TGS1: variants seen among roughly 807,000 people sequenced by gnomAD.
TGS1 encodes the protein trimethylguanosine synthase.
Under a neutral mutation model 92.2 loss-of-function variants are expected in TGS1, and 69 were observed. The ratio of observed to expected loss-of-function variants is 0.75; its 90% CI spans 0.62 to 0.91. The LOEUF is 0.91. Among genes scored for constraint, TGS1 ranks in the 40% least tolerant of loss-of-function variants. TGS1 has a pLI of 0.00. For synonymous variants in TGS1, 345 were observed against 338.1 expected, an observed-to-expected ratio of 1.02 and a Z score of -0.22; for missense variants, 1,062 against 1,001.2, an observed-to-expected ratio of 1.06 and a Z score of -0.82.
At position 55,811,011 on chromosome 8, in the gene TGS1, T is replaced by G. The variant is rs1448980773; in HGVS notation, c.2274T>G (p.Asp758Glu). The change falls in exon 11 of 13, where the codon GAT becomes GAG. Residue 758 changes from aspartate (D) to glutamate (E), a missense_variant. By Grantham distance (45) the Asp-to-Glu change is conservative. Transcript: ENST00000260129. ...FLLLASFLKA[D>E]VVFLSPPWGG... ...TGCTGGCTTCTTTTTTAAAGGCTGA[T>G]GTTGTGTTCCTCAGCCCACCTTGGG... The G allele has an allele frequency of 3.1e-6, 5 of 1,614,066 alleles. No individual in the cohort carries two copies. The highest frequency in any genetic ancestry group is 1.3e-5 in the African/African-American group (1 of 74,938).
At chr8:55,805,712 C>A (rs1357105668) in intron 10 of TGS1, among the ~76,000 whole-genome samples, 1 of 151,790 alleles carries the variant, frequency 6.6e-6, no homozygotes, top group Admixed American at 6.6e-5. Context: ...ATGGTGAAAC[C>A]CCGTCTACTA....
intron 4 of TGS1, among the ~76,000 whole-genome samples, chr8:55,788,945 A>G (rs1811798305): frequency 6.6e-6 from 1 of 152,250 alleles, no homozygotes. Flanking sequence ...TTTCTTTGGC[A>G]GACACAGTAA....
chr8:55,811,242 C>T, intron 11 of TGS1, 145 bp downstream of exon 11: 1 of 679,700 alleles, frequency 1.5e-6, no homozygotes, highest in Non-Finnish European at 2.4e-6. Flanking sequence ...GCAGGTGGAT[C>T]ACCTGAGGTC....
In TGS1 at chr8:55,812,979, C is replaced by T. The variant is rs1803377705; in HGVS notation, c.2361-61C>T. On this transcript the variant is annotated intron_variant, in intron 11 of 12. Transcript: ENST00000260129. ...CATTTGAGTTATGATAAGTAAAACA[C>T]ATCTCTTTCTGATTAGAAATTAGCT... 7.4e-6 allele frequency: 9 copies of T among 1,223,922 alleles called. No homozygotes were observed. The East Asian group carries it at 1.9e-4, about 25-fold the overall frequency. The allele number at this position is 1,223,922 out of a possible 1,614,324, so 75.8% of individuals were successfully genotyped here. A position where few individuals can be genotyped will look rare whatever the true frequency, so the allele number is the denominator to read the frequency against.
intron 4 of TGS1, among the ~76,000 whole-genome samples, chr8:55,788,599 G>T (rs1160793149): frequency 6.6e-6 from 1 of 151,896 alleles, no homozygotes; most frequent in African/African-American, 2.4e-5. Context: ...GGGACTACAG[G>T]TGTGTGCCAC....
chr8:55,804,277 CT>C (rs1812300651), intron 9 of TGS1, among the ~76,000 whole-genome samples: 1 of 152,110 alleles, frequency 6.6e-6, no homozygotes. Flanking sequence ...TCTGTCTCTC[CT>C]AAAAATACAA....
At chr8:55,816,542 GTAAGATAAGT>G (rs1455237963) in intron 12 of TGS1, among the ~76,000 whole-genome samples, 5 of 152,144 alleles carry the variant, frequency 3.3e-5, no homozygotes, top group Non-Finnish European at 7.4e-5. Flanking sequence ...TACTTTTCAG[GTAAGATAAGT>G]TAAGTTACTT....
At chr8:55,815,339 C>A (rs1248071346) in intron 12 of TGS1, among the ~76,000 whole-genome samples, 1 of 151,810 alleles carries the variant, frequency 6.6e-6, no homozygotes, top group Non-Finnish European at 1.5e-5. Context: ...TTTTTGCTAT[C>A]AAATTTTGAT....
At chr8:55,794,242 G>A (rs1278771138) in intron 6 of TGS1, among the ~76,000 whole-genome samples, 1 of 152,106 alleles carries the variant, frequency 6.6e-6, no homozygotes, top group Non-Finnish European at 1.5e-5. Flanking sequence ...TTTTCATGGA[G>A]ATGGGGTCTT....
chr8:55,797,339 C>T (rs556952062), intron 7 of TGS1, among the ~76,000 whole-genome samples: 1 of 152,186 alleles, frequency 6.6e-6, no homozygotes, highest in East Asian at 1.9e-4. Flanking sequence ...AGAAACTGCC[C>T]CCATGATTCA....
intron 1 of TGS1, 25 bp from the exon 2 acceptor site, chr8:55,782,723 A>G (rs1811600544): frequency 1.9e-6 from 3 of 1,569,932 alleles, no homozygotes; most frequent in Non-Finnish European, 2.6e-6. Context: ...TCATTTCAAT[A>G]TGAACTGCTT....
intron 9 of TGS1, 51 bp downstream of exon 9, chr8:55,802,657 A>C: frequency 1.3e-6 from 2 of 1,525,086 alleles, no homozygotes; most frequent in Non-Finnish European, 1.8e-6. Context: ...CTTCAAACTT[A>C]AAAAGAAAGT....
chr8:55,792,782 A>G lies in TGS1; in HGVS notation c.1365A>G (p.Gln455=), dbSNP rs1364585097. ...SLLGFKYGSG[Q]KYGGIPNFSH... ...TAGGATTCAAGTATGGCTCAGGACA[A>G]AAGTAATTATTCATAAAAGCTATTG... The change falls in exon 6 of 13, where the codon CAA becomes CAG. Residue 455 remains glutamine (Q), a splice_region_variant and synonymous_variant. Coordinates refer to ENST00000260129, the MANE Select transcript of TGS1 (RefSeq NM_024831.8). 1 of 1,608,094 alleles carries G rather than the reference A, an allele frequency of 6.2e-7. No homozygotes were observed. The highest frequency in any genetic ancestry group is 8.5e-7 in the Non-Finnish European group (1 of 1,174,754).
rs755387333 is a variant in TGS1, at chr8:55,786,653, T to G, written c.755T>G (p.Phe252Cys). 5.6e-6 allele frequency: 9 copies of G among 1,614,154 alleles called. No homozygotes were observed. Among genetic ancestry groups the G allele is most frequent in the Middle Eastern group, 3.3e-4 (2 of 6,062 alleles). Reference protein sequence around the residue: ...SQLYWYYLEQFQYWEAQGWTF... With the variant: ...SQLYWYYLEQCQYWEAQGWTF... ...CTTTATTGGTATTATTTGGAACAAT[T>G]TCAGTATTGGGAAGCTCAGGGTTGG... is the stretch of plus-strand genomic sequence containing the variant. Residue 252 changes from phenylalanine (F) to cysteine (C), a missense_variant, in exon 4 of 13, where the codon TTT (phenylalanine) becomes TGT (cysteine). Coordinates refer to ENST00000260129, the MANE Select transcript of TGS1 (RefSeq NM_024831.8).
chr8:55,808,233 G>T (rs2130214610), intron 10 of TGS1, among the ~76,000 whole-genome samples: 1 of 152,302 alleles, frequency 6.6e-6, no homozygotes, highest in Non-Finnish European at 1.5e-5. Context: ...TACGAGAGTA[G>T]TGGTTATTTT....
intron 6 of TGS1, among the ~76,000 whole-genome samples, chr8:55,793,579 G>GT (rs766196161): frequency 6.6e-6 from 1 of 151,824 alleles, no homozygotes; most frequent in East Asian, 1.9e-4. Context: ...GTTTTGTTTT[G>GT]TTTTTTGAGA....
In TGS1 at chr8:55,773,697, C is replaced by T; in HGVS notation, c.79C>T (p.Leu27Phe). ...GCGGGAGGATTGTAAGATACTGTGC[C>T]TTTGCTCCAGGGCATTTGTGGAGTA... ...EEREDCKILC[L>F]CSRAFVEDRK... Residue 27 changes from leucine to phenylalanine, a missense_variant, in exon 1 of 13, where the codon CTT (leucine) becomes TTT (phenylalanine). Coordinates refer to ENST00000260129, the MANE Select transcript of TGS1 (RefSeq NM_024831.8). The T allele has an allele frequency of 6.2e-7, 1 of 1,610,718 alleles. No homozygotes were observed.
At position 55,792,721 on chromosome 8, in the gene TGS1, A is replaced by C. The variant is rs61754980; in HGVS notation, c.1304A>C (p.Asn435Thr). ...AGCCATGAACTGGACATTGATGAAA[A>C]CCCAGCTTCAGACTTTGATGACAGT... Reference protein sequence around the residue: ...KRSHELDIDENPASDFDDSGS... With the variant: ...KRSHELDIDETPASDFDDSGS... The change falls in exon 6 of 13, where the codon AAC becomes ACC. Residue 435 changes from asparagine (N) to threonine (T), a missense_variant. Physicochemically the swap from Asn to Thr is moderately conservative, Grantham distance 65. Coordinates refer to ENST00000260129, the MANE Select transcript of TGS1 (RefSeq NM_024831.8). The C allele has an allele frequency of 7.5e-4, 1,217 of 1,613,818 alleles. 10 individuals carry two copies. The African/African-American group carries it at 0.01, about 14-fold the overall frequency.
At chr8:55,791,222 A>T (rs571714958) in intron 5 of TGS1, among the ~76,000 whole-genome samples, 17 of 152,316 alleles carry the variant, frequency 1.1e-4, no homozygotes, top group Admixed American at 1.0e-3. Flanking sequence ...TAAGAGTCAA[A>T]ACAGAGTCAC....
Sources: gnomAD v4.1 joint callset for allele counts (sites outside exome capture counted in the v4.1 genomes callset) on GRCh38, gnomAD v4.1.1 for gene constraint, MANE v1.5 for transcripts, NCBI Gene and HGNC (gene_info 2026-07-23, HGNC 2026-07-21) for gene names.